Variants in ACE observed in about 807,000 individuals in gnomAD.
The protein encoded by ACE is angiotensin-converting enzyme.
A neutral mutation model predicts 162.3 loss-of-function variants in ACE; 122 were observed. The observed-to-expected ratio is 0.75, with a 90% CI of 0.65 to 0.87. The LOEUF (loss-of-function observed/expected upper bound fraction) is 0.87, where lower values mean the gene tolerates loss of function less well. Ranked by LOEUF, ACE falls within the 40% of genes least tolerant of loss-of-function variation. The pLI is 0.00. For missense variants in ACE, 1,799 were observed against 1,735.1 expected (o/e 1.04, Z -0.65); for synonymous variants, 796 against 720.6 (o/e 1.10, Z -1.68).
At position 63,481,641 on chromosome 17, in the gene ACE, G is replaced by A. The variant is rs201456235; in HGVS notation, c.1021G>A (p.Glu341Lys). Residue 341 changes from glutamate (E) to lysine (K), a missense_variant, in exon 7 of 25, where the codon GAG (glutamate) becomes AAG (lysine). Coordinates refer to ENST00000290866, the MANE Select transcript of ACE (RefSeq NM_000789.4). Reference sequence around the variant, plus strand: ...CCTGGAGCTCTCCCCCATGCCTCCCGAGTTCTGGGAAGGGTCGATGCTGGA... The same window carrying A: ...CCTGGAGCTCTCCCCCATGCCTCCCAAGTTCTGGGAAGGGTCGATGCTGGA... ...TSLELSPMPP[E>K]FWEGSMLEKP... The A allele has an allele frequency of 1.5e-5, 24 of 1,614,122 alleles. No individual in the cohort carries two copies. The highest frequency in any genetic ancestry group is 5.5e-5 in the South Asian group (5 of 91,084).
At position 63,484,720 on chromosome 17, in the gene ACE, C is replaced by T; in HGVS notation, c.1921+179C>T. 2 of 1,453,410 alleles carry T rather than the reference C, an allele frequency of 1.4e-6. No individual in the cohort carries two copies. Among genetic ancestry groups the T allele is most frequent in the Middle Eastern group, 2.3e-4 (1 of 4,388 alleles). 90.0% of individuals were successfully genotyped at this position (1,453,410 alleles called of 1,614,324 possible). On this transcript the variant is annotated intron_variant, in intron 12 of 24. Transcript: ENST00000290866. The surrounding 1 kb of genome is among the most constrained non-coding windows in gnomAD (Gnocchi z 4.0). ...GCGAGTGGGGACAGGCATGTCTTTC[C>T]CCCAGCATCCTAGAGAGGGTGTGCT...
At position 63,488,513 on chromosome 17, in the gene ACE, C is replaced by T. The variant is rs1305399887; in HGVS notation, c.2306-135C>T. 3.4e-6 allele frequency: 3 copies of T among 874,650 alleles called. 1 individual carries two copies. The highest frequency in any genetic ancestry group is 3.0e-5 in the South Asian group (2 of 66,102). 54.2% of individuals were successfully genotyped at this position (874,650 alleles called of 1,614,324 possible). On this transcript the variant is annotated intron_variant, in intron 15 of 24. Transcript: ENST00000290866. The stretch of plus-strand genomic sequence containing the variant: ...GCCACTCCCATCCTTTCTCCCATTT[C>T]TCTAGACCTGCTGCCTATACAGTCA...
intron 12 of ACE, 39 bp from the exon 13 acceptor site, chr17:63,485,197 G>T: frequency 6.2e-7 from 1 of 1,613,652 alleles, no homozygotes; most frequent in Non-Finnish European, 8.5e-7. Flanking sequence ...GGAGAGGGGA[G>T]GCAGAGGTTT....
Position 63,478,090 on chromosome 17 carries a change from C to T in ACE, c.409C>T (p.Arg137Trp), listed in dbSNP as rs764488884. The part of the protein sequence containing the change: ...LGSANLPLAK[R>W]QQYNALLSNM... ...CTCTGCCAACCTGCCCCTGGCTAAGCGGCAGCAGGTGGGCTGAGGGCTGAG... is the reference window on the plus strand; with the variant it reads ...CTCTGCCAACCTGCCCCTGGCTAAGTGGCAGCAGGTGGGCTGAGGGCTGAG... Residue 137 changes from arginine to tryptophan, a missense_variant, in exon 2 of 25, where the codon CGG becomes TGG. Physicochemically the swap from Arg to Trp is moderately radical, Grantham distance 101. Coordinates refer to ENST00000290866, the MANE Select transcript of ACE (RefSeq NM_000789.4). 1 of 1,584,334 alleles carries T rather than the reference C, an allele frequency of 6.3e-7. No homozygotes were observed. The highest frequency in any genetic ancestry group is 8.6e-7 in the Non-Finnish European group (1 of 1,165,276).
At position 63,481,147 on chromosome 17, in the gene ACE, G is replaced by T. The variant is rs139813210; in HGVS notation, c.904G>T (p.Asp302Tyr). ...NIYDMVVPFP[D>Y]KPNLDVTSTM... is the part of the protein sequence containing the mutation. ...CTACGACATGGTGGTGCCTTTCCCA[G>T]ACAAGCCCAACCTCGATGTCACCAG... The change falls in exon 6 of 25, where the codon GAC (aspartate) becomes TAC (tyrosine). Residue 302 changes from aspartate to tyrosine, a missense_variant. Asp to Tyr is a radical substitution (Grantham distance 160, BLOSUM62 -3). Transcript: ENST00000290866. The T allele has an allele frequency of 6.5e-7, 1 of 1,539,502 alleles. No homozygotes were observed. The highest frequency in any genetic ancestry group is 1.1e-5 in the South Asian group (1 of 90,158).
At chr17:63,493,294 C>G (rs2030501193) in intron 19 of ACE, 142 bp from the exon 20 acceptor site, 1 of 778,244 alleles carries the variant, frequency 1.3e-6, no homozygotes. Context: ...TTGCCCTTCC[C>G]CTCCCTCCCC....
Position 63,477,314 on chromosome 17 carries a change from A to C in ACE, c.220A>C (p.Asn74His). 2 of 1,401,394 alleles carry C rather than the reference A, an allele frequency of 1.4e-6. No individual in the cohort carries two copies. The highest frequency in any genetic ancestry group is 1.9e-6 in the Non-Finnish European group (2 of 1,067,764). The allele number at this position is 1,401,394 out of a possible 1,614,324, so 86.8% of individuals were successfully genotyped here. A position where few individuals can be genotyped will look rare whatever the true frequency, so the allele number is the denominator to read the frequency against. Residue 74 changes from asparagine (N) to histidine (H), a missense_variant, in exon 1 of 25, where the codon AAC becomes CAC. By Grantham distance (68) the Asn-to-His change is moderately conservative (BLOSUM62 1). Coordinates refer to ENST00000290866, the MANE Select transcript of ACE (RefSeq NM_000789.4). ...SVAASWAHDTNITAENARRQE... is the reference protein window; with the variant it reads ...SVAASWAHDTHITAENARRQE... ...GGCCGCCAGCTGGGCGCACGACACC[A>C]ACATCACCGCGGAGAATGCAAGGCG... is the stretch of plus-strand genomic sequence containing the variant.
At position 63,489,150 on chromosome 17, in the gene ACE, G is replaced by T. The variant is rs781552995; in HGVS notation, c.2641+18G>T. On this transcript the variant is annotated intron_variant, in intron 17 of 24. Transcript: ENST00000290866. Reference sequence around the variant, plus strand: ...CCTGCTGGGTAAGGGCACATGTCGGGCCTTGAGGAGGGTAAAGACGGACCA... The same window carrying T: ...CCTGCTGGGTAAGGGCACATGTCGGTCCTTGAGGAGGGTAAAGACGGACCA... 8 of 1,603,464 alleles carry T rather than the reference G, an allele frequency of 5.0e-6. No individual in the cohort carries two copies. The highest frequency in any genetic ancestry group is 4.2e-6 in the Non-Finnish European group (5 of 1,179,836).
rs1162307952 is a variant in ACE at position 63,488,693 on chromosome 17, T to C, written c.2351T>C (p.Leu784Ser). ...MATSRKYEDL[L>S]WAWEGWRDKA... ...ACGTCCCGGAAATATGAAGACCTGT[T>C]ATGGGCATGGGAGGGCTGGCGAGAC... Residue 784 changes from leucine to serine, a missense_variant, in exon 16 of 25, where the codon TTA becomes TCA. Leu to Ser is a moderately radical substitution (Grantham distance 145). Coordinates refer to ENST00000290866, the MANE Select transcript of ACE (RefSeq NM_000789.4). 1 of 1,613,502 alleles carries C rather than the reference T, an allele frequency of 6.2e-7. No homozygotes were observed. The highest frequency in any genetic ancestry group is 1.1e-5 in the South Asian group (1 of 91,018).
chr17:63,487,294 C>T (rs1320421997), intron 15 of ACE, among the ~76,000 whole-genome samples: 4 of 152,114 alleles, frequency 2.6e-5, no homozygotes, highest in Non-Finnish European at 5.9e-5. Context: ...CCCTCAGAAC[C>T]GCCCTCTGCT....
chr17:63,477,681 C>A, intron 1 of ACE: 1 of 556,234 alleles, frequency 1.8e-6, no homozygotes, highest in Non-Finnish European at 3.2e-6. Flanking sequence ...ACTGCACTGT[C>A]CATCCACCCT....
chr17:63,482,907 C>A, intron 8 of ACE, 122 bp from the exon 9 acceptor site: 1 of 1,208,282 alleles, frequency 8.3e-7, no homozygotes, highest in Non-Finnish European at 1.2e-6. Flanking sequence ...GTCTCGAGGG[C>A]CAGCCATACC....
At chr17:63,494,534 C>T (rs764194067) in intron 22 of ACE, 64 bp downstream of exon 22, 30 of 1,418,130 alleles carry the variant, frequency 2.1e-5, no homozygotes, top group South Asian at 4.7e-5. Context: ...GTTTCAACTG[C>T]GGCCACTGCC....
rs12720749 is a variant in ACE, at chr17:63,478,399, C to T, written c.417+301C>T. 3.8e-3 allele frequency: 1,599 copies of T among 421,980 alleles called. 23 individuals carry two copies. The highest frequency in any genetic ancestry group is 0.029 in the African/African-American group (1,420 of 49,674). 26.1% of individuals were successfully genotyped at this position (421,980 alleles called of 1,614,324 possible). A position where few individuals can be genotyped will look rare whatever the true frequency, so the allele number is the denominator to read the frequency against. ...AGTTGAGAAGGGCTGGGCGTGGTGG[C>T]TCAAGCCTGTAATCCCAGCACTTTG... On this transcript the variant is annotated intron_variant, in intron 2 of 24. Coordinates refer to ENST00000290866, the MANE Select transcript of ACE (RefSeq NM_000789.4).
In ACE at chr17:63,483,464, A is replaced by G; in HGVS notation, c.1492A>G (p.Lys498Glu). The change falls in exon 10 of 25, where the codon AAG (lysine) becomes GAG (glutamate). Residue 498 changes from lysine to glutamate, a missense_variant. Physicochemically the swap from Lys to Glu is moderately conservative, Grantham distance 56. Transcript: ENST00000290866. ...AATTTAACCATCCTTTTCCAGAACCAAGTATCAGGGGATCTGTCCTCCTGT... is the reference window on the plus strand; with the variant it reads ...AATTTAACCATCCTTTTCCAGAACCGAGTATCAGGGGATCTGTCCTCCTGT... The part of the protein sequence containing the change: ...YNFDWWYLRT[K>E]YQGICPPVTR... 1 of 1,613,606 alleles carries G rather than the reference A, an allele frequency of 6.2e-7. No individual in the cohort carries two copies. Among genetic ancestry groups the G allele is most frequent in the Non-Finnish European group, 8.5e-7 (1 of 1,179,534 alleles).
intron 7 of ACE, 119 bp downstream of exon 7, chr17:63,481,857 G>C (rs1223746545): frequency 3.7e-6 from 5 of 1,339,448 alleles, no homozygotes; most frequent in African/African-American, 2.9e-5. Flanking sequence ...CCCCAGCACT[G>C]GTTGGAGGCT....
chr17:63,479,308 C>T (rs1160206683), intron 3 of ACE, among the ~76,000 whole-genome samples: 1 of 152,160 alleles, frequency 6.6e-6, no homozygotes, highest in African/African-American at 2.4e-5. Flanking sequence ...CTGCAGCCCC[C>T]ACTTCTGTGT....
intron 21 of ACE, 49 bp from the exon 22 acceptor site, chr17:63,494,323 G>C: frequency 6.3e-7 from 1 of 1,574,972 alleles, no homozygotes; most frequent in Non-Finnish European, 8.7e-7. Context: ...GCCACCCCCA[G>C]CCTGGTTCTC....
At position 63,481,081 on chromosome 17, in the gene ACE, C is replaced by T. The variant is rs1175908511; in HGVS notation, c.848-10C>T. The T allele has an allele frequency of 6.2e-7, 1 of 1,613,500 alleles. No homozygotes were observed. Among genetic ancestry groups the T allele is most frequent in the East Asian group, 2.2e-5 (1 of 44,868 alleles). The stretch of plus-strand genomic sequence containing the variant: ...AGGGAGCCAAGCTGTCCCCTTCCTT[C>T]CTTATCTAGGAGACATGTGGGCCCA... On this transcript the variant is annotated splice_polypyrimidine_tract_variant and intron_variant, in intron 5 of 24. Transcript: ENST00000290866.
Sources: gnomAD v4.1 joint callset for allele counts (sites outside exome capture counted in the v4.1 genomes callset) on GRCh38, gnomAD v4.1.1 for gene constraint, Gnocchi (gnomAD v3.1) non-coding constraint, MANE v1.5 for transcripts, NCBI Gene and HGNC (gene_info 2026-07-23, HGNC 2026-07-21) for gene names.